Variants in SNX1 observed in about 807,000 individuals in gnomAD.
The protein encoded by SNX1 is sorting nexin 1, also known as sorting nexin-1.
Under a neutral mutation model 71.8 loss-of-function variants are expected in SNX1, and 36 were observed. The observed-to-expected ratio is 0.50, with a 90% CI of 0.38 to 0.66. SNX1 has a LOEUF of 0.66. Among genes scored for constraint, SNX1 ranks in the 30% least tolerant of loss-of-function variants. The probability of loss-of-function intolerance (pLI) is 0.00; values close to 1 mark genes in which losing one functional copy is unlikely to be tolerated. For synonymous variants in SNX1, 254 were observed against 240.7 expected (o/e 1.06, Z -0.51); for missense variants, 612 against 646.7 (o/e 0.95, Z 0.58).
At chr15:64,106,686 G>T (rs537619178) in intron 1 of SNX1, among the ~76,000 whole-genome samples, 2 of 152,318 alleles carry the variant, frequency 1.3e-5, no homozygotes, top group East Asian at 3.9e-4. Context: ...ATGTAAGACA[G>T]GCTATGAAAG....
Position 64,108,153 on chromosome 15 carries a change from A to G in SNX1, c.160-4420A>G, listed in dbSNP as rs1238776518. On this transcript the variant is annotated intron_variant, in intron 1 of 14. Coordinates refer to ENST00000559844, the MANE Select transcript of SNX1 (RefSeq NM_003099.5). ...GCTTACAGTGAGCCAAGATTGCGCC[A>G]CTGCACTCCAGCCTGGGCGACAGAG... is the stretch of plus-strand genomic sequence containing the variant. Among the ~76,000 whole-genome samples the G allele has an allele frequency of 3.3e-5, 5 of 151,620 alleles. No individual in the cohort carries two copies. In the East Asian group the frequency reaches 7.7e-4, roughly 23 times the overall value.
At chr15:64,100,630 A>G (rs935134251) in intron 1 of SNX1, among the ~76,000 whole-genome samples, 1 of 148,766 alleles carries the variant, frequency 6.7e-6, no homozygotes, top group Non-Finnish European at 1.5e-5. Context: ...AAAAAAAGAG[A>G]CTCAAAAAAA....
intron 5 of SNX1, among the ~76,000 whole-genome samples, chr15:64,124,063 T>C (rs539129179): frequency 3.3e-5 from 5 of 150,660 alleles, no homozygotes; most frequent in Non-Finnish European, 7.4e-5. Context: ...CACCTGCGTG[T>C]TTTTCCATCA....
At chr15:64,123,784 T>C (rs2081219657) in intron 5 of SNX1, among the ~76,000 whole-genome samples, 1 of 152,220 alleles carries the variant, frequency 6.6e-6, no homozygotes, top group South Asian at 2.1e-4. Context: ...ACTCGTGGTA[T>C]ATCTGATACA....
chr15:64,113,939 G>A (rs148757545), intron 2 of SNX1, among the ~76,000 whole-genome samples: 328 of 152,298 alleles, frequency 2.2e-3, no homozygotes, highest in East Asian at 9.3e-3. Context: ...GAAGTATAAG[G>A]TATGTTTGAG....
rs979744237 is a variant in SNX1, at chr15:64,142,123, G to C, written c.*4505G>C. On this transcript the variant is annotated 3_prime_UTR_variant, in exon 15 of 15. Transcript: ENST00000559844. ...GGAGGCCGAGGTGGGAGAATCACTT[G>C]AGCCCAAGAATTTGAGACCAGCCTG... 3 of 153,252 alleles carry C rather than the reference G, an allele frequency of 2.0e-5. No homozygotes were observed. The highest frequency in any genetic ancestry group is 7.2e-5 in the African/African-American group (3 of 41,456). The allele number at this position is 153,252 out of a possible 1,614,324, so 9.5% of individuals were successfully genotyped here. A position where few individuals can be genotyped will look rare whatever the true frequency, so the allele number is the denominator to read the frequency against.
chr15:64,136,548 G>T (rs1049455777), intron 13 of SNX1, 138 bp downstream of exon 13: 24 of 729,388 alleles, frequency 3.3e-5, no homozygotes, highest in South Asian at 3.2e-4. Context: ...GGCCTTCTTT[G>T]GGGGGGTGTG....
chr15:64,109,250 G>A (rs1054053580), intron 1 of SNX1, among the ~76,000 whole-genome samples: 11 of 151,630 alleles, frequency 7.3e-5, no homozygotes, highest in African/African-American at 2.7e-4. Context: ...GCACGCGCCT[G>A]TAGTCCCAGC....
rs1002046555 is a variant in SNX1 at position 64,129,381 on chromosome 15, A to G, written c.808-535A>G. ...TAGGAGAGTACTGGGGAGACTGAAC[A>G]GCAATCAGATTGTTTCTGAATATTT... On this transcript the variant is annotated intron_variant, in intron 8 of 14. Coordinates refer to ENST00000559844, the MANE Select transcript of SNX1 (RefSeq NM_003099.5). The surrounding 1 kb of genome is among the most constrained non-coding windows in gnomAD (Gnocchi z 4.4). Among the ~76,000 whole-genome samples the G allele has an allele frequency of 6.6e-6, 1 of 152,230 alleles. No individual in the cohort carries two copies. The highest frequency in any genetic ancestry group is 2.4e-5 in the African/African-American group (1 of 41,460).
At chr15:64,123,571 G>A in intron 5 of SNX1, 25 bp downstream of exon 5, 3 of 1,602,502 alleles carry the variant, frequency 1.9e-6, no homozygotes, top group Non-Finnish European at 1.7e-6. Context: ...CCCTGCTGAT[G>A]ACCATCTTCA....
chr15:64,132,812 C>T, intron 11 of SNX1, among the ~76,000 whole-genome samples: 1 of 152,222 alleles, frequency 6.6e-6, no homozygotes, highest in East Asian at 1.9e-4. Context: ...GGAGATGCCT[C>T]ATAGAGCCTG....
intron 1 of SNX1, among the ~76,000 whole-genome samples, chr15:64,103,526 A>G (rs141490282): frequency 1.8e-4 from 28 of 152,304 alleles, no homozygotes; most frequent in African/African-American, 6.3e-4. Context: ...AATTTCTTCT[A>G]TTCTTTCGAG....
At chr15:64,124,179 T>TATATATATATATAA (rs2081226156) in intron 5 of SNX1, among the ~76,000 whole-genome samples, 1 of 142,968 alleles carries the variant, frequency 7.0e-6, no homozygotes, top group African/African-American at 2.8e-5. Context: ...TATATATATA[T>TATATATATATATAA]GACTGTTTTG....
chr15:64,114,450 A>C (rs2081108658), intron 2 of SNX1, among the ~76,000 whole-genome samples: 1 of 152,254 alleles, frequency 6.6e-6, no homozygotes, highest in Non-Finnish European at 1.5e-5. Context: ...CATTCTAAAG[A>C]AGAAACTGGC....
rs776881596 is a variant in SNX1, at chr15:64,131,887, G to C, written c.1216G>C (p.Val406Leu). 2.9e-5 allele frequency: 47 copies of C among 1,613,960 alleles called. No homozygotes were observed. In the South Asian group the frequency reaches 5.2e-4, roughly 18 times the overall value. The change falls in exon 11 of 15, where the codon GTC (valine) becomes CTC (leucine). Residue 406 changes from valine (V) to leucine (L), a missense_variant. Val to Leu is a conservative substitution (Grantham distance 32). This residue lies in a region of SNX1 where 296 missense variants were observed against 361.9 expected (regional missense o/e 0.82). Coordinates refer to ENST00000559844, the MANE Select transcript of SNX1 (RefSeq NM_003099.5). ...TGACTACATTCGCCTCCTGGCCATA[G>C]TCCGCGTAAGCTTCTGTTTCCTTTT... ...LSDYIRLLAI[V>L]RAAFDQRMKT...
intron 1 of SNX1, among the ~76,000 whole-genome samples, chr15:64,106,386 GGACATTGAAT>G (rs1317052956): frequency 6.6e-6 from 1 of 152,174 alleles, no homozygotes; most frequent in African/African-American, 2.4e-5. Context: ...GAAATCCAGT[GGACATTGAAT>G]GTCCATTCTC....
chr15:64,131,572 C>T, intron 10 of SNX1, 115 bp from the exon 11 acceptor site: 1 of 918,724 alleles, frequency 1.1e-6, no homozygotes, highest in Non-Finnish European at 1.7e-6. Flanking sequence ...GCAGAGCCCT[C>T]AGTTCCCAGA....
At chr15:64,131,553 G>C in intron 10 of SNX1, 134 bp from the exon 11 acceptor site, 2 of 731,782 alleles carry the variant, frequency 2.7e-6, no homozygotes, top group South Asian at 1.8e-5. Context: ...TGGTGTAAGT[G>C]ACTGGGTTGC....
chr15:64,127,056 T>C lies in SNX1; in HGVS notation c.653-118T>C, dbSNP rs530813337. 1.8e-5 allele frequency: 13 copies of C among 719,270 alleles called. No homozygotes were observed. The African/African-American group carries it at 2.0e-4, about 11-fold the overall frequency. 44.6% of individuals were successfully genotyped at this position (719,270 alleles called of 1,614,324 possible). ...TTCATCCCTGCATATAACATAGAAG[T>C]GGCCTTAGGCTGTGTGCTAGCCTCA... On this transcript the variant is annotated intron_variant, in intron 6 of 14. Transcript: ENST00000559844.
Sources: gnomAD v4.1 joint callset for allele counts (sites outside exome capture counted in the v4.1 genomes callset) on GRCh38, gnomAD v4.1.1 for gene constraint, gnomAD v4.1.1 regional missense constraint, Gnocchi (gnomAD v3.1) non-coding constraint, MANE v1.5 for transcripts, NCBI Gene and HGNC (gene_info 2026-07-23, HGNC 2026-07-21) for gene names.